The following SLC22A8 variants were observed in gnomAD, a reference collection of about 807,000 sequenced individuals.
SLC22A8 encodes solute carrier family 22 member 8.
Under a neutral mutation model 48.4 loss-of-function variants are expected in SLC22A8, and 40 were observed. The ratio of observed to expected loss-of-function variants is 0.83; its 90% CI spans 0.64 to 1.08. The LOEUF is 1.08. Among genes scored for constraint, SLC22A8 ranks in the 50% least tolerant of loss-of-function variants. The pLI, the probability that SLC22A8 is intolerant of heterozygous loss-of-function variation, is 0.00. For missense variants in SLC22A8, 606 were observed against 699.0 expected, an observed-to-expected ratio of 0.87 and a Z score of 1.50; for synonymous variants, 268 against 286.3, an observed-to-expected ratio of 0.94 and a Z score of 0.65.
At chr11:62,993,712 C>A in intron 9 of SLC22A8, 58 bp downstream of exon 9, 1 of 1,589,952 alleles carries the variant, frequency 6.3e-7, no homozygotes, top group Non-Finnish European at 8.6e-7. Flanking sequence ...AGGACAATGC[C>A]ACAGTCCCAC....
At chr11:63,012,747 A>C (rs1224513796) in intron 2 of SLC22A8, among the ~76,000 whole-genome samples, 2 of 152,198 alleles carry the variant, frequency 1.3e-5, no homozygotes, top group East Asian at 3.8e-4. Flanking sequence ...TATTCCACCA[A>C]ACTGCCCATG....
intron 8 of SLC22A8, chr11:62,994,299 A>G: frequency 1.8e-6 from 1 of 568,756 alleles, no homozygotes; most frequent in South Asian, 2.1e-5. Context: ...AATACCTCAA[A>G]AATTTTCACA....
intron 2 of SLC22A8, among the ~76,000 whole-genome samples, chr11:63,001,475 T>C (rs544277441): frequency 6.6e-6 from 1 of 152,228 alleles, no homozygotes; most frequent in Non-Finnish European, 1.5e-5. Flanking sequence ...TCAAGGTCAC[T>C]GAAGTTTCAT....
Position 62,999,798 on chromosome 11 carries a change from G to A in SLC22A8, c.482C>T (p.Ala161Val). 6.2e-7 allele frequency: 1 copy of A among 1,603,946 alleles called. No homozygotes were observed. The highest frequency in any genetic ancestry group is 8.5e-7 in the Non-Finnish European group (1 of 1,174,818). The change falls in exon 4 of 11, where the codon GCA becomes GTA. Residue 161 changes from alanine to valine, a missense_variant. By Grantham distance (64) the Ala-to-Val change is moderately conservative. Coordinates refer to ENST00000336232, the MANE Select transcript of SLC22A8 (RefSeq NM_004254.4). ...PILTCSYLLL[A>V]ASGSGAAFSP... Reference sequence around the variant, plus strand: ...GAAGGCTGCACCGGAGCCGCTGGCTGCCAGCAGCAGGTAGCTGCAGGTCAG... The same window carrying A: ...GAAGGCTGCACCGGAGCCGCTGGCTACCAGCAGCAGGTAGCTGCAGGTCAG...
rs867320696 is a variant in SLC22A8, at chr11:63,000,649, C to T, written c.437+71G>A. ...AGCTCTTTGCCTCTTTGCGGGTGCA[C>T]GGGTGGAGCAGAGTAGGGAAGGGTT... On this transcript the variant is annotated intron_variant, in intron 3 of 10. Coordinates refer to ENST00000336232, the MANE Select transcript of SLC22A8 (RefSeq NM_004254.4). 1.5e-4 allele frequency: 168 copies of T among 1,138,830 alleles called. No individual in the cohort carries two copies. In the Middle Eastern group the frequency reaches 2.9e-3, roughly 20 times the overall value. 70.5% of individuals were successfully genotyped at this position (1,138,830 alleles called of 1,614,324 possible). A position where few individuals can be genotyped will look rare whatever the true frequency, so the allele number is the denominator to read the frequency against.
Position 62,998,985 on chromosome 11 carries a change from G to A in SLC22A8, c.697C>T (p.Pro233Ser). The A allele has an allele frequency of 9.3e-6, 15 of 1,613,884 alleles. No homozygotes were observed. Among genetic ancestry groups the A allele is most frequent in the Non-Finnish European group, 1.3e-5 (15 of 1,179,710 alleles). The change falls in exon 5 of 11, where the codon CCC becomes TCC. Residue 233 changes from proline (P) to serine (S), a missense_variant. Pro to Ser is a moderately conservative substitution (Grantham distance 74, BLOSUM62 -1). Transcript: ENST00000336232. The part of the protein sequence containing the change: ...FILPGLAYAI[P>S]QWRWLQLTVS... ...GTTAACTGCAGCCAACGCCACTGGG[G>A]GATGGCGTAGGCCAGGCCGGGCAGA...
chr11:63,005,253 T>G (rs1025246727), intron 2 of SLC22A8, among the ~76,000 whole-genome samples: 7 of 152,240 alleles, frequency 4.6e-5, no homozygotes, highest in African/African-American at 1.7e-4. Context: ...AACACAAATC[T>G]GTTTTCCCTG....
intron 2 of SLC22A8, among the ~76,000 whole-genome samples, chr11:63,006,623 T>TTTTTTTTTTTTTTTTTTTTTTTTTTTG (rs1317151675): frequency 7.8e-6 from 1 of 127,804 alleles, no homozygotes; most frequent in African/African-American, 3.5e-5. Context: ...TTTTTTTTTT[T>TTTTTTTTTTTTTTTTTTTTTTTTTTTG]TTGAGACAGA....
chr11:62,998,462 C>T (rs973234811), intron 5 of SLC22A8, among the ~76,000 whole-genome samples: 10 of 152,158 alleles, frequency 6.6e-5, no homozygotes, highest in Non-Finnish European at 1.3e-4. Context: ...CAAGATATAT[C>T]CCAGATTAGT....
At chr11:63,012,594 T>C (rs2086631729) in intron 2 of SLC22A8, among the ~76,000 whole-genome samples, 1 of 152,194 alleles carries the variant, frequency 6.6e-6, no homozygotes, top group Non-Finnish European at 1.5e-5. Flanking sequence ...AACCCTCCCC[T>C]GGGCCTCAGA....
chr11:63,014,984 C>T lies in SLC22A8; in HGVS notation c.-25-1G>A. On this transcript the variant is annotated splice_acceptor_variant, in intron 1 of 10. Coordinates refer to ENST00000336232, the MANE Select transcript of SLC22A8 (RefSeq NM_004254.4). LOFTEE classifies it low-confidence loss of function (5UTR_SPLICE). The stretch of plus-strand genomic sequence containing the variant: ...GGCACTGGGGCAAGACGAGCCAGAG[C>T]TGTGGGCAGGGCATAGGCCAGGGAG... 6.6e-7 allele frequency: 1 copy of T among 1,525,704 alleles called. No individual in the cohort carries two copies. Among genetic ancestry groups the T allele is most frequent in the Non-Finnish European group, 8.8e-7 (1 of 1,131,922 alleles). 94.5% of individuals were successfully genotyped at this position (1,525,704 alleles called of 1,614,324 possible).
At chr11:63,009,119 A>G (rs1279566629) in intron 2 of SLC22A8, among the ~76,000 whole-genome samples, 1 of 152,080 alleles carries the variant, frequency 6.6e-6, no homozygotes, top group Non-Finnish European at 1.5e-5. Context: ...AGGCGAGGAA[A>G]GAGATGGAGG....
At position 63,000,808 on chromosome 11, in the gene SLC22A8, T is replaced by G; in HGVS notation, c.349A>C (p.Asn117His). 6.2e-7 allele frequency: 1 copy of G among 1,613,668 alleles called. No individual in the cohort carries two copies. The highest frequency in any genetic ancestry group is 8.5e-7 in the Non-Finnish European group (1 of 1,179,578). ...SIVTEWDLVCNSNKLKEMAQS... is the reference protein window; with the variant it reads ...SIVTEWDLVCHSNKLKEMAQS... ...GCCATCTCCTTCAGTTTGTTGGAGTTGCACACCAAGTCCCACTGCACAAGA... is the reference window on the plus strand; with the variant it reads ...GCCATCTCCTTCAGTTTGTTGGAGTGGCACACCAAGTCCCACTGCACAAGA... The change falls in exon 3 of 11, where the codon AAC becomes CAC. Residue 117 changes from asparagine to histidine, a missense_variant. By Grantham distance (68) the Asn-to-His change is moderately conservative. Coordinates refer to ENST00000336232, the MANE Select transcript of SLC22A8 (RefSeq NM_004254.4).
intron 7 of SLC22A8, chr11:62,995,000 A>G (rs1290978796): frequency 1.3e-5 from 7 of 556,160 alleles, no homozygotes; most frequent in Middle Eastern, 4.8e-4. Context: ...CAAAGGTGCC[A>G]ATAACTGACT....
At chr11:63,006,117 CT>C (rs2086551194) in intron 2 of SLC22A8, among the ~76,000 whole-genome samples, 1 of 147,544 alleles carries the variant, frequency 6.8e-6, no homozygotes, top group African/African-American at 2.4e-5. Context: ...TAAGAAGGCC[CT>C]TTTAAGAAAA....
Position 62,998,911 on chromosome 11 carries a change from G to A in SLC22A8, c.761+10C>T, listed in dbSNP as rs1361173166. 6.3e-7 allele frequency: 1 copy of A among 1,597,200 alleles called. No homozygotes were observed. The highest frequency in any genetic ancestry group is 8.6e-7 in the Non-Finnish European group (1 of 1,167,004). ...CTAAGGAAACAGATGAAGAGGAGAG[G>A]GCCACATACCAGGATGATAGGAAGA... is the stretch of plus-strand genomic sequence containing the variant. On this transcript the variant is annotated intron_variant, in intron 5 of 10. Coordinates refer to ENST00000336232, the MANE Select transcript of SLC22A8 (RefSeq NM_004254.4).
At chr11:63,010,735 C>G (rs1446426666) in intron 2 of SLC22A8, among the ~76,000 whole-genome samples, 1 of 152,154 alleles carries the variant, frequency 6.6e-6, no homozygotes. Flanking sequence ...CCTGGTGACC[C>G]CCGGCGTCCT....
chr11:63,015,502 T>G (rs927534856), intron 1 of SLC22A8, among the ~76,000 whole-genome samples: 1 of 152,208 alleles, frequency 6.6e-6, no homozygotes, highest in Non-Finnish European at 1.5e-5. Flanking sequence ...ATACACAGGG[T>G]TAGCAGAGTT....
At chr11:62,999,180 T>A in intron 4 of SLC22A8, 91 bp from the exon 5 acceptor site, 1 of 1,124,738 alleles carries the variant, frequency 8.9e-7, no homozygotes, top group Non-Finnish European at 1.3e-6. Flanking sequence ...TCCCCACGGC[T>A]ACTGACATCC....
Sources: gnomAD v4.1 joint callset for allele counts (sites outside exome capture counted in the v4.1 genomes callset) on GRCh38, gnomAD v4.1.1 for gene constraint, MANE v1.5 for transcripts, NCBI Gene and HGNC (gene_info 2026-07-23, HGNC 2026-07-21) for gene names.